UVRAG: variants seen among roughly 807,000 people sequenced by gnomAD.
The protein encoded by UVRAG is UV radiation resistance associated, also known as UV radiation resistance-associated gene protein.
In UVRAG, 19 loss-of-function variants were observed where a neutral mutation model predicts 78.0. The ratio of observed to expected loss-of-function variants is 0.24; its 90% CI spans 0.17 to 0.36. UVRAG has a LOEUF of 0.36. UVRAG is among the 10% of genes least tolerant of loss of function. The pLI, the probability that UVRAG is intolerant of heterozygous loss-of-function variation, is 1.00. For missense variants in UVRAG, 740 were observed against 853.8 expected, an observed-to-expected ratio of 0.87 and a Z score of 1.66; for synonymous variants, 323 against 324.6, an observed-to-expected ratio of 1.00 and a Z score of 0.05.
chr11:75,936,347 T>C (rs1183617048), intron 6 of UVRAG, among the ~76,000 whole-genome samples: 4 of 152,228 alleles, frequency 2.6e-5, no homozygotes, highest in African/African-American at 4.8e-5. Context: ...TTAGCACATA[T>C]TGATGTTTCT....
intron 8 of UVRAG, among the ~76,000 whole-genome samples, chr11:75,989,888 T>C (rs928668931): frequency 1.3e-5 from 2 of 152,206 alleles, no homozygotes; most frequent in African/African-American, 2.4e-5. Context: ...GCATGAATCT[T>C]TGAGGGGCTT....
At chr11:75,831,027 C>T (rs1036625295) in intron 1 of UVRAG, among the ~76,000 whole-genome samples, 1 of 152,140 alleles carries the variant, frequency 6.6e-6, no homozygotes, top group African/African-American at 2.4e-5. Flanking sequence ...AATAGCCTAC[C>T]TTGTAGGGTT....
At chr11:76,072,606 T>C (rs967835042) in intron 13 of UVRAG, among the ~76,000 whole-genome samples, 14 of 152,174 alleles carry the variant, frequency 9.2e-5, no homozygotes, top group Admixed American at 6.5e-5. Context: ...AGGTATGATA[T>C]AAATGTATAG....
intron 1 of UVRAG, among the ~76,000 whole-genome samples, chr11:75,821,941 G>GTTT (rs757078463): frequency 1.5e-4 from 18 of 118,552 alleles, no homozygotes; most frequent in Admixed American, 2.7e-4. Context: ...ATTTATCACT[G>GTTT]TTTTTTTTTT....
intron 12 of UVRAG, among the ~76,000 whole-genome samples, chr11:76,062,597 C>A (rs562988413): frequency 5.3e-5 from 8 of 152,158 alleles, no homozygotes; most frequent in Non-Finnish European, 1.0e-4. Flanking sequence ...TCAACAATTT[C>A]TCTCAATACT....
In UVRAG at chr11:76,039,577, T is replaced by C. The variant is rs140101493; in HGVS notation, c.1226+22597T>C. The stretch of plus-strand genomic sequence containing the variant: ...ACAATACAAGCACCTAGCAATATGG[T>C]TAATAAAAAGGGTGAGGCCAGGCGC... On this transcript the variant is annotated intron_variant, in intron 12 of 14. Coordinates refer to ENST00000356136, the MANE Select transcript of UVRAG (RefSeq NM_003369.4). Among the ~76,000 whole-genome samples, 587 of 152,150 alleles carry C rather than the reference T, an allele frequency of 3.9e-3. 3 individuals are homozygous for C. Among genetic ancestry groups the C allele is most frequent in the Non-Finnish European group, 7.0e-3 (473 of 67,968 alleles).
chr11:76,007,737 T>G (rs1448804448), intron 10 of UVRAG, 116 bp downstream of exon 10: 1 of 770,750 alleles, frequency 1.3e-6, no homozygotes, highest in African/African-American at 1.7e-5. Context: ...TCTGTCATGA[T>G]TCATTCAGGA....
intron 12 of UVRAG, among the ~76,000 whole-genome samples, chr11:76,050,779 G>T (rs905082471): frequency 1.3e-5 from 2 of 152,128 alleles, no homozygotes; most frequent in African/African-American, 4.8e-5. Context: ...TTGAGTCATA[G>T]ATTTTCTTGT....
intron 14 of UVRAG, among the ~76,000 whole-genome samples, chr11:76,133,758 C>A (rs368963258): frequency 1.3e-5 from 2 of 151,812 alleles, no homozygotes; most frequent in South Asian, 2.1e-4. Context: ...TCTTCTAGTC[C>A]CTAAGCAGTA....
At position 76,143,498 on chromosome 11, in the gene UVRAG, G is replaced by A. The variant is rs1167402166; in HGVS notation, c.*2085G>A. ...GTGGCTTTTCACCGCACGGCGGGGA[G>A]CCCTGCTCTTGAATGTCATCGGGCT... On this transcript the variant is annotated 3_prime_UTR_variant, in exon 15 of 15. Transcript: ENST00000356136. Among the ~76,000 whole-genome samples, 1 of 152,248 alleles carries A rather than the reference G, an allele frequency of 6.6e-6. No homozygotes were observed. Among genetic ancestry groups the A allele is most frequent in the East Asian group, 1.9e-4 (1 of 5,194 alleles).
chr11:76,041,015 A>G (rs938238511), intron 12 of UVRAG, among the ~76,000 whole-genome samples: 19 of 152,234 alleles, frequency 1.2e-4, no homozygotes, highest in African/African-American at 4.1e-4. Flanking sequence ...ATGAAAGTAT[A>G]TCAGAAATGA....
intron 1 of UVRAG, among the ~76,000 whole-genome samples, chr11:75,834,686 T>C (rs971490275): frequency 5.9e-5 from 9 of 152,046 alleles, no homozygotes; most frequent in Non-Finnish European, 1.0e-4. Flanking sequence ...TGGTGGCACG[T>C]GCCTGTAGTC....
intron 2 of UVRAG, among the ~76,000 whole-genome samples, chr11:75,860,680 G>A (rs1459088402): frequency 1.3e-5 from 2 of 152,190 alleles, no homozygotes; most frequent in Admixed American, 6.5e-5. Flanking sequence ...TGGAGAAACA[G>A]ACTTTTTCAT....
chr11:75,867,529 G>C (rs953479395), intron 3 of UVRAG, among the ~76,000 whole-genome samples: 1 of 152,052 alleles, frequency 6.6e-6, no homozygotes, highest in African/African-American at 2.4e-5. Flanking sequence ...CATTTTTTCT[G>C]TGGATAGGCA....
At chr11:75,884,194 A>G (rs2134903749) in intron 4 of UVRAG, among the ~76,000 whole-genome samples, 1 of 147,454 alleles carries the variant, frequency 6.8e-6, no homozygotes, top group East Asian at 2.0e-4. Context: ...TTGTAAGCAA[A>G]AAGTCTATTT....
chr11:75,870,901 C>A (rs558485166), intron 3 of UVRAG, among the ~76,000 whole-genome samples: 1 of 151,986 alleles, frequency 6.6e-6, no homozygotes, highest in Non-Finnish European at 1.5e-5. Flanking sequence ...CGGAGTTTCA[C>A]TCTTGTTGCC....
chr11:75,896,521 C>T (rs1947347908), intron 5 of UVRAG, among the ~76,000 whole-genome samples: 1 of 152,298 alleles, frequency 6.6e-6, no homozygotes, highest in Middle Eastern at 3.4e-3. Flanking sequence ...ATTATAGGCA[C>T]TCCTGACAAC....
At chr11:75,841,060 A>G (rs140896718) in intron 1 of UVRAG, among the ~76,000 whole-genome samples, 69 of 152,326 alleles carry the variant, frequency 4.5e-4, no homozygotes, top group African/African-American at 1.5e-3. Flanking sequence ...AAGTTATAAC[A>G]AAGTAACAGT....
At chr11:75,995,704 A>C (rs113197767) in intron 8 of UVRAG, among the ~76,000 whole-genome samples, 2 of 152,066 alleles carry the variant, frequency 1.3e-5, no homozygotes, top group African/African-American at 2.4e-5. Context: ...TACATTATTA[A>C]GTCTTGCATA....
Sources: allele counts gnomAD v4.1 joint callset (sites outside exome capture counted in the v4.1 genomes callset), GRCh38; gene constraint gnomAD v4.1.1; transcripts MANE v1.5; gene names NCBI Gene and HGNC (gene_info 2026-07-23, HGNC 2026-07-21).